Variants in DLGAP2 observed in about 807,000 individuals in gnomAD.
DLGAP2 encodes DLG associated protein 2, also known as disks large-associated protein 2.
A neutral mutation model predicts 100.3 loss-of-function variants in DLGAP2; 26 were observed. That is an observed-to-expected ratio of 0.26 (90% CI 0.19 to 0.36). The LOEUF is 0.36. Ranked by LOEUF, DLGAP2 falls within the 10% of genes least tolerant of loss-of-function variation. The pLI, the probability that DLGAP2 is intolerant of heterozygous loss-of-function variation, is 1.00. For missense variants in DLGAP2, 1,858 were observed against 1,453.2 expected, an observed-to-expected ratio of 1.28 and a Z score of -4.53; for synonymous variants, 886 against 630.1, an observed-to-expected ratio of 1.41 and a Z score of -6.08.
chr8:1,243,469 G>C (rs1215634364), intron 2 of DLGAP2, among the ~76,000 whole-genome samples: 2 of 152,188 alleles, frequency 1.3e-5, no homozygotes, highest in Non-Finnish European at 2.9e-5. Flanking sequence ...TGGCCCCTCA[G>C]AGAGATGTTC....
chr8:1,409,546 C>T (rs1346742745), intron 3 of DLGAP2, among the ~76,000 whole-genome samples: 1 of 152,208 alleles, frequency 6.6e-6, no homozygotes, highest in Non-Finnish European at 1.5e-5. Flanking sequence ...CGCTTCCCAG[C>T]CTGTCACCGT....
chr8:827,484 G>A (rs753974308), intron 1 of DLGAP2, among the ~76,000 whole-genome samples: 6 of 152,168 alleles, frequency 3.9e-5, no homozygotes, highest in Non-Finnish European at 8.8e-5. Flanking sequence ...TGATATGATA[G>A]TTCAGTGTAA....
At chr8:952,005 C>G (rs1354599946) in intron 2 of DLGAP2, among the ~76,000 whole-genome samples, 10 of 152,220 alleles carry the variant, frequency 6.6e-5, no homozygotes, top group Non-Finnish European at 1.5e-5. Context: ...GGACTTTGTC[C>G]TTGCCCTCCC....
chr8:1,205,862 A>T (rs1797978541), intron 2 of DLGAP2, among the ~76,000 whole-genome samples: 1 of 152,160 alleles, frequency 6.6e-6, no homozygotes, highest in African/African-American at 2.4e-5. Flanking sequence ...CCCTTCAAAA[A>T]TAAAGGGCAG....
intron 2 of DLGAP2, among the ~76,000 whole-genome samples, chr8:949,379 T>G (rs1799417697): frequency 6.6e-6 from 1 of 152,120 alleles, no homozygotes; most frequent in African/African-American, 2.4e-5. Flanking sequence ...AGACAGTGTT[T>G]AGAGCCACGG....
intron 2 of DLGAP2, among the ~76,000 whole-genome samples, chr8:908,896 C>T (rs560840483): frequency 1.3e-5 from 2 of 152,290 alleles, no homozygotes; most frequent in Non-Finnish European, 2.9e-5. Context: ...AAGGTAATTA[C>T]AAAGACTCTT....
chr8:906,629 G>A (rs906068846), intron 1 of DLGAP2, among the ~76,000 whole-genome samples: 1 of 152,176 alleles, frequency 6.6e-6, no homozygotes, highest in Non-Finnish European at 1.5e-5. Flanking sequence ...AGACTGCACT[G>A]ATGAAAAATA....
chr8:1,514,531 G>C (rs940561652), intron 4 of DLGAP2, among the ~76,000 whole-genome samples: 1 of 152,240 alleles, frequency 6.6e-6, no homozygotes, highest in Non-Finnish European at 1.5e-5. Flanking sequence ...ATTTCAGTAA[G>C]AGCTACACAT....
At chr8:1,514,222 G>C (rs1800279341) in intron 4 of DLGAP2, among the ~76,000 whole-genome samples, 1 of 152,202 alleles carries the variant, frequency 6.6e-6, no homozygotes, top group Non-Finnish European at 1.5e-5. Context: ...TTTCTCTCCA[G>C]TACAAATGTC....
At chr8:1,328,127 C>T (rs1046024442) in intron 3 of DLGAP2, among the ~76,000 whole-genome samples, 1 of 151,990 alleles carries the variant, frequency 6.6e-6, no homozygotes, top group Non-Finnish European at 1.5e-5. Context: ...GCATACTCCA[C>T]CTCCCAGGTT....
chr8:1,693,190 T>C (rs993228535), intron 13 of DLGAP2, among the ~76,000 whole-genome samples: 1 of 148,186 alleles, frequency 6.7e-6, no homozygotes, highest in Non-Finnish European at 1.5e-5. Context: ...AAATATATAG[T>C]ATATATAAAA....
In DLGAP2 at chr8:1,678,204, C is replaced by A; in HGVS notation, c.2289-10C>A. ...GGGCTACCATCTGTCTTCCTTCCCT[C>A]CTTTTGCAGACACGGACGTTTTAAA... On this transcript the variant is annotated splice_polypyrimidine_tract_variant and intron_variant, in intron 11 of 14. Coordinates refer to ENST00000637795, the MANE Select transcript of DLGAP2 (RefSeq NM_001346810.2). 6.2e-7 allele frequency: 1 copy of A among 1,600,956 alleles called. No homozygotes were observed. Among genetic ancestry groups the A allele is most frequent in the Non-Finnish European group, 8.5e-7 (1 of 1,172,250 alleles).
chr8:1,456,918 G>A (rs151293324), intron 3 of DLGAP2, among the ~76,000 whole-genome samples: 23 of 151,040 alleles, frequency 1.5e-4, no homozygotes, highest in Non-Finnish European at 2.8e-4. Context: ...CCTGCCCTCC[G>A]GCCCCGAGCG....
intron 1 of DLGAP2, among the ~76,000 whole-genome samples, chr8:799,446 T>G (rs1268504533): frequency 6.6e-6 from 1 of 152,174 alleles, no homozygotes; most frequent in Non-Finnish European, 1.5e-5. Context: ...TGCGCTCTGC[T>G]GGGAGTTGGA....
intron 2 of DLGAP2, among the ~76,000 whole-genome samples, chr8:1,170,257 T>G (rs1218521470): frequency 6.6e-6 from 1 of 152,196 alleles, no homozygotes; most frequent in Non-Finnish European, 1.5e-5. Flanking sequence ...TGGATAAGCT[T>G]TTTGATGTGC....
chr8:1,045,750 C>T (rs1331603145), intron 2 of DLGAP2, among the ~76,000 whole-genome samples: 5 of 152,186 alleles, frequency 3.3e-5, no homozygotes, highest in South Asian at 2.1e-4. Flanking sequence ...GTTTTGTTCA[C>T]TTTTGGATGG....
chr8:1,447,381 A>T (rs1435951701), intron 3 of DLGAP2, among the ~76,000 whole-genome samples: 2 of 152,142 alleles, frequency 1.3e-5, no homozygotes, highest in Admixed American at 1.3e-4. Flanking sequence ...TATATGCTGG[A>T]TTACATTTAT....
At chr8:1,591,919 C>T (rs901012037) in intron 6 of DLGAP2, among the ~76,000 whole-genome samples, 3 of 152,218 alleles carry the variant, frequency 2.0e-5, no homozygotes, top group African/African-American at 7.2e-5. Context: ...CCACCCGGGG[C>T]GGTGGATGGA....
chr8:930,562 G>A (rs1436153243), intron 2 of DLGAP2, among the ~76,000 whole-genome samples: 2 of 152,232 alleles, frequency 1.3e-5, no homozygotes, highest in Non-Finnish European at 1.5e-5. Context: ...AGATATTCTA[G>A]TTAGTGGAGG....
Sources: allele counts gnomAD v4.1 joint callset (sites outside exome capture counted in the v4.1 genomes callset), GRCh38; gene constraint gnomAD v4.1.1; transcripts MANE v1.5; gene names NCBI Gene and HGNC (gene_info 2026-07-23, HGNC 2026-07-21).